The following FAF1 variants were observed in gnomAD, a reference collection of about 807,000 sequenced individuals.
FAF1 encodes FAS-associated factor 1.
Under a neutral mutation model 92.5 loss-of-function variants are expected in FAF1, and 25 were observed. The ratio of observed to expected loss-of-function variants is 0.27; its 90% confidence interval spans 0.20 to 0.38. The LOEUF (loss-of-function observed/expected upper bound fraction) is 0.38, where lower values mean the gene tolerates loss of function less well. Among genes scored for constraint, FAF1 ranks in the 10% least tolerant of loss-of-function variants. The pLI is 1.00. For synonymous variants in FAF1, 234 were observed against 273.2 expected (o/e 0.86, Z 1.42); for missense variants, 636 against 793.3 (o/e 0.80, Z 2.38).
At chr1:50,475,929 C>G (rs1572769416) in intron 17 of FAF1, among the ~76,000 whole-genome samples, 1 of 152,034 alleles carries the variant, frequency 6.6e-6, no homozygotes, top group African/African-American at 2.4e-5. Context: ...ATATAGGAAA[C>G]TACACAGAAA....
At chr1:50,671,163 G>A (rs1289951925) in intron 7 of FAF1, among the ~76,000 whole-genome samples, 5 of 152,164 alleles carry the variant, frequency 3.3e-5, no homozygotes, top group African/African-American at 1.2e-4. Context: ...CCAGCACTTT[G>A]GGAGGCTGAG....
At chr1:50,726,551 T>G (rs1432240033) in intron 6 of FAF1, among the ~76,000 whole-genome samples, 1 of 151,456 alleles carries the variant, frequency 6.6e-6, no homozygotes, top group Non-Finnish European at 1.5e-5. Flanking sequence ...AAAAAATGGC[T>G]GGGTGTGGCA....
At chr1:50,493,634 A>G (rs755034322) in intron 15 of FAF1, among the ~76,000 whole-genome samples, 4 of 152,220 alleles carry the variant, frequency 2.6e-5, no homozygotes, top group Non-Finnish European at 5.9e-5. Context: ...TGTAAGCTCC[A>G]CAAAGGCAGG....
At chr1:50,487,874 G>A (rs1646785758) in intron 17 of FAF1, among the ~76,000 whole-genome samples, 1 of 152,138 alleles carries the variant, frequency 6.6e-6, no homozygotes, top group Non-Finnish European at 1.5e-5. Context: ...TCCAGATTAG[G>A]TGTTCAACCA....
chr1:50,926,282 A>G (rs2124738841), intron 1 of FAF1, among the ~76,000 whole-genome samples: 1 of 152,332 alleles, frequency 6.6e-6, no homozygotes, highest in South Asian at 2.1e-4. Context: ...CACTTGCAGC[A>G]ACATGGATAA....
At chr1:50,940,441 T>C (rs1387564771) in intron 1 of FAF1, among the ~76,000 whole-genome samples, 2 of 152,198 alleles carry the variant, frequency 1.3e-5, no homozygotes, top group Non-Finnish European at 2.9e-5. Context: ...GTTCATTTGT[T>C]TTGTAGAGAT....
chr1:50,451,168 G>T (rs1317572689), intron 18 of FAF1, among the ~76,000 whole-genome samples: 1 of 152,178 alleles, frequency 6.6e-6, no homozygotes, highest in Non-Finnish European at 1.5e-5. Context: ...TTCTTCCTTT[G>T]ATGACGTTTT....
At chr1:50,942,721 C>T (rs549957289) in intron 1 of FAF1, among the ~76,000 whole-genome samples, 4 of 151,160 alleles carry the variant, frequency 2.6e-5, no homozygotes, top group African/African-American at 7.3e-5. Flanking sequence ...CTCACAATAA[C>T]GGCAGCCAGA....
chr1:50,546,147 C>A (rs1403983317), intron 13 of FAF1, among the ~76,000 whole-genome samples: 2 of 152,156 alleles, frequency 1.3e-5, no homozygotes, highest in Non-Finnish European at 2.9e-5. Context: ...GCCTGGGCAA[C>A]AGAGTGAGAC....
chr1:50,845,606 T>C (rs1016262377), intron 2 of FAF1, among the ~76,000 whole-genome samples: 2 of 152,082 alleles, frequency 1.3e-5, no homozygotes, highest in Admixed American at 1.3e-4. Context: ...GCACAGAAGA[T>C]GCTAACTGCT....
intron 7 of FAF1, among the ~76,000 whole-genome samples, chr1:50,662,255 T>A (rs1271025890): frequency 6.6e-6 from 1 of 152,204 alleles, no homozygotes; most frequent in Non-Finnish European, 1.5e-5. Flanking sequence ...AAAATTGAAG[T>A]TGCTTTCAAT....
intron 4 of FAF1, among the ~76,000 whole-genome samples, chr1:50,759,033 G>A (rs566306853): frequency 1.0e-3 from 154 of 152,004 alleles, no homozygotes; most frequent in Admixed American, 1.8e-3. Flanking sequence ...TAGTAGAGAC[G>A]GGGTTTCACT....
intron 17 of FAF1, among the ~76,000 whole-genome samples, chr1:50,481,686 C>G (rs970776628): frequency 9.9e-5 from 15 of 151,866 alleles, no homozygotes; most frequent in African/African-American, 3.6e-4. Flanking sequence ...GGAGGGAGTG[C>G]AGGGAATGCT....
At chr1:50,620,478 T>C (rs1653141491) in intron 8 of FAF1, among the ~76,000 whole-genome samples, 1 of 152,242 alleles carries the variant, frequency 6.6e-6, no homozygotes, top group African/African-American at 2.4e-5. Flanking sequence ...CTAGATTCCT[T>C]GGATTGGGTT....
rs1349189307 is a variant in FAF1, at chr1:50,441,628, C to A, written c.1870-105G>T. The A allele has an allele frequency of 7.1e-5, 39 of 547,784 alleles. No individual in the cohort carries two copies. The East Asian group carries it at 1.3e-3, about 18-fold the overall frequency. 33.9% of individuals were successfully genotyped at this position (547,784 alleles called of 1,614,324 possible). On this transcript the variant is annotated intron_variant, in intron 18 of 18. Transcript: ENST00000396153. ...CACTGATTCTGAAACTATGCACTGGCACGAAGAGTCTCGCAGTATCTTAGT... is the reference window on the plus strand; with the variant it reads ...CACTGATTCTGAAACTATGCACTGGAACGAAGAGTCTCGCAGTATCTTAGT...
chr1:50,582,594 C>T (rs1479116958), intron 12 of FAF1, 24 bp downstream of exon 12: 1 of 1,516,252 alleles, frequency 6.6e-7, no homozygotes, highest in Admixed American at 1.7e-5. Flanking sequence ...ACTTTTTAAT[C>T]AGAAAAGGTC....
At chr1:50,765,345 T>C (rs376457188) in intron 4 of FAF1, among the ~76,000 whole-genome samples, 2 of 152,342 alleles carry the variant, frequency 1.3e-5, no homozygotes, top group Non-Finnish European at 2.9e-5. Flanking sequence ...TCTCAAATTT[T>C]AACCAATACA....
At chr1:50,922,195 A>G (rs559411526) in intron 1 of FAF1, among the ~76,000 whole-genome samples, 1 of 151,782 alleles carries the variant, frequency 6.6e-6, no homozygotes, top group African/African-American at 2.4e-5. Context: ...GCAGTGGCTC[A>G]CACCTGTAAT....
intron 8 of FAF1, among the ~76,000 whole-genome samples, chr1:50,603,352 G>GGTACCAGATGGC (rs1409602487): frequency 8.5e-5 from 13 of 152,094 alleles, no homozygotes; most frequent in Non-Finnish European, 2.9e-5. Flanking sequence ...AGATAAATCA[G>GGTACCAGATGGC]GTACCAGATG....
Sources: allele counts gnomAD v4.1 joint callset (sites outside exome capture counted in the v4.1 genomes callset), GRCh38; gene constraint gnomAD v4.1.1; transcripts MANE v1.5; gene names NCBI Gene and HGNC (gene_info 2026-07-23, HGNC 2026-07-21).